The following GALR1 variants were observed in gnomAD, a reference collection of about 807,000 sequenced individuals.
The protein encoded by GALR1 is galanin receptor type 1.
GALR1 carries 11 observed loss-of-function variants against 17.9 expected under a neutral mutation model. The ratio of observed to expected loss-of-function variants is 0.62; its 90% CI spans 0.39 to 1.02. GALR1 has a LOEUF of 1.02. Among genes scored for constraint, GALR1 ranks in the 50% least tolerant of loss-of-function variants. GALR1 has a pLI of 0.01. For synonymous variants in GALR1, 206 were observed against 205.7 expected (o/e 1.00, Z -0.01); for missense variants, 441 against 456.9 (o/e 0.97, Z 0.32).
chr18:77,264,328 A>T (rs1222308377), intron 2 of GALR1, among the ~76,000 whole-genome samples: 1 of 152,020 alleles, frequency 6.6e-6, no homozygotes, highest in Non-Finnish European at 1.5e-5. Context: ...TCAGTCATGG[A>T]GTCACTTTCC....
intron 1 of GALR1, 48 bp downstream of exon 1, chr18:77,251,262 C>T (rs1202157942): frequency 7.7e-6 from 12 of 1,549,802 alleles, no homozygotes; most frequent in Non-Finnish European, 1.0e-5. Context: ...GGCGGAGGGC[C>T]GGTGGGGGCC....
rs2144944775 is a variant in GALR1, at chr18:77,250,439, A to C, written c.-110A>C. 16 of 1,192,028 alleles carry C rather than the reference A, an allele frequency of 1.3e-5. No homozygotes were observed. Among genetic ancestry groups the C allele is most frequent in the South Asian group, 1.8e-5 (1 of 55,828 alleles). 73.8% of individuals were successfully genotyped at this position (1,192,028 alleles called of 1,614,324 possible). On this transcript the variant is annotated 5_prime_UTR_variant, in exon 1 of 3. Coordinates refer to ENST00000299727, the MANE Select transcript of GALR1 (RefSeq NM_001480.4). ...GCCTCGGGGGAAGCTCAGACTCCTA[A>C]ACTCGCACTCTCCGTGCTTTGCGCC...
In GALR1 at chr18:77,251,274, T is replaced by C. The variant is rs575967225; in HGVS notation, c.666+60T>C. 82 of 1,540,990 alleles carry C rather than the reference T, an allele frequency of 5.3e-5. No individual in the cohort carries two copies. In the South Asian group the frequency reaches 9.7e-4, roughly 18 times the overall value. On this transcript the variant is annotated intron_variant, in intron 1 of 2. Coordinates refer to ENST00000299727, the MANE Select transcript of GALR1 (RefSeq NM_001480.4). ...GAGGGCGGAGGGCCGGTGGGGGCCC[T>C]GGGGTCTCAGTGTCCCGCGGCCCTG...
rs200473944 is a variant in GALR1, at chr18:77,250,607, C to A, written c.59C>A (p.Ala20Asp). The A allele has an allele frequency of 5.8e-4, 906 of 1,564,036 alleles. 2 individuals carry two copies. The African/African-American group carries it at 0.011, about 19-fold the overall frequency. The change falls in exon 1 of 3, where the codon GCC becomes GAC. Residue 20 changes from alanine to aspartate, a missense_variant. Transcript: ENST00000299727. ...EGNASWPEPP[A>D]PEPGPLFGIG... The stretch of plus-strand genomic sequence containing the variant: ...AACGCGAGCTGGCCGGAGCCCCCCG[C>A]CCCGGAGCCCGGGCCGCTGTTCGGC...
chr18:77,250,939 G>A lies in GALR1; in HGVS notation c.391G>A (p.Val131Met), dbSNP rs1328433052. 1 of 1,604,434 alleles carries A rather than the reference G, an allele frequency of 6.2e-7. No homozygotes were observed. The highest frequency in any genetic ancestry group is 8.5e-7 in the Non-Finnish European group (1 of 1,179,962). Residue 131 changes from valine to methionine, a missense_variant, in exon 1 of 3, where the codon GTG becomes ATG. Coordinates refer to ENST00000299727, the MANE Select transcript of GALR1 (RefSeq NM_001480.4). ...CATCTTCACCCTGGCCGCGATGTCC[G>A]TGGACCGCTACGTGGCCATCGTGCA... ...VSIFTLAAMS[V>M]DRYVAIVHSR... is the part of the protein sequence containing the mutation.
rs1568146222 is a variant in GALR1, at chr18:77,274,853, G to A, written c.*5951G>A. ...CTTTTTATTACTTATACACATGTCT[G>A]TTTTTATTCTTCCCTACTCTTTTCT... On this transcript the variant is annotated 3_prime_UTR_variant, in exon 3 of 3. Coordinates refer to ENST00000299727, the MANE Select transcript of GALR1 (RefSeq NM_001480.4). 2 of 152,186 alleles carry A rather than the reference G, an allele frequency of 1.3e-5. No homozygotes were observed. Among genetic ancestry groups the A allele is most frequent in the African/African-American group, 4.8e-5 (2 of 41,446 alleles). 9.4% of individuals were successfully genotyped at this position (152,186 alleles called of 1,614,324 possible). A position where few individuals can be genotyped will look rare whatever the true frequency, so the allele number is the denominator to read the frequency against.
rs1365898065 is a variant in GALR1, at chr18:77,251,170, G to T, written c.622G>T (p.Gly208Cys). ...CTACGTGGTGTGCACCTTCGTCTTC[G>T]GCTACCTGCTGCCGCTCCTGCTCAT... ...KAYVVCTFVF[G>C]YLLPLLLICF... Residue 208 changes from glycine to cysteine, a missense_variant, in exon 1 of 3, where the codon GGC (glycine) becomes TGC (cysteine). Gly to Cys is a radical substitution (Grantham distance 159, BLOSUM62 -3). Transcript: ENST00000299727. 1 of 1,610,442 alleles carries T rather than the reference G, an allele frequency of 6.2e-7. No individual in the cohort carries two copies. The highest frequency in any genetic ancestry group is 8.5e-7 in the Non-Finnish European group (1 of 1,177,908).
intron 2 of GALR1, among the ~76,000 whole-genome samples, chr18:77,256,444 A>C (rs1912592096): frequency 6.6e-6 from 1 of 152,046 alleles, no homozygotes; most frequent in African/African-American, 2.4e-5. Flanking sequence ...ACTTAGCTGA[A>C]GATCTGGGGA....
intron 2 of GALR1, among the ~76,000 whole-genome samples, chr18:77,258,854 ATGGTGGTGGTGATGG>A (rs1433399120): frequency 4.0e-5 from 2 of 50,314 alleles, no homozygotes; most frequent in African/African-American, 9.0e-5. Flanking sequence ...GGTGGTGGTG[ATGGTGGTGGTGATGG>A]TGGTGATGAT....
chr18:77,273,025 C>T lies in GALR1; in HGVS notation c.*4123C>T, dbSNP rs935855632. On this transcript the variant is annotated 3_prime_UTR_variant, in exon 3 of 3. Coordinates refer to ENST00000299727, the MANE Select transcript of GALR1 (RefSeq NM_001480.4). ...TGCATTAGCAGGATGTTTTGTTCAT[C>T]GACTTGTGAAAGTGCTGTGGATAAT... The T allele has an allele frequency of 2.0e-5, 3 of 152,156 alleles. No homozygotes were observed. Among genetic ancestry groups the T allele is most frequent in the East Asian group, 1.9e-4 (1 of 5,190 alleles). 9.4% of individuals were successfully genotyped at this position (152,156 alleles called of 1,614,324 possible).
Position 77,256,197 on chromosome 18 carries a change from A to C in GALR1, c.706A>C (p.Lys236Gln). ...HLHKKLKNMSKKSEASKKKTA... is the reference protein window; with the variant it reads ...HLHKKLKNMSQKSEASKKKTA... ...GCATAAAAAGTTGAAGAACATGTCA[A>C]AGAAGTCTGAAGCATCCAAGAAAAA... Residue 236 changes from lysine (K) to glutamine (Q), a missense_variant, in exon 2 of 3, where the codon AAG (lysine) becomes CAG (glutamine). By Grantham distance (53) the Lys-to-Gln change is moderately conservative. Transcript: ENST00000299727. 1 of 1,592,802 alleles carries C rather than the reference A, an allele frequency of 6.3e-7. No homozygotes were observed. Among genetic ancestry groups the C allele is most frequent in the Non-Finnish European group, 8.6e-7 (1 of 1,160,812 alleles).
chr18:77,258,554 G>C (rs991599974), intron 2 of GALR1, among the ~76,000 whole-genome samples: 2 of 146,676 alleles, frequency 1.4e-5, no homozygotes, highest in African/African-American at 2.7e-5. Context: ...TGGTGATGGT[G>C]GTGGTCATAG....
Position 77,256,183 on chromosome 18 carries a change from T to A in GALR1, c.692T>A (p.Leu231Ter). ...AKVLNHLHKK[L>*]KNMSKKSEAS... ...GTCCTTAATCACTTGCATAAAAAGT[T>A]GAAGAACATGTCAAAGAAGTCTGAA... Residue 231 changes from leucine to a stop codon, truncating the protein, a stop_gained, in exon 2 of 3, where the codon TTG (leucine) becomes TAG (stop). Coordinates refer to ENST00000299727, the MANE Select transcript of GALR1 (RefSeq NM_001480.4). LOFTEE classifies it high-confidence loss of function. 1 of 1,604,264 alleles carries A rather than the reference T, an allele frequency of 6.2e-7. No homozygotes were observed. The highest frequency in any genetic ancestry group is 8.5e-7 in the Non-Finnish European group (1 of 1,171,142).
chr18:77,253,030 A>G (rs1212711507), intron 1 of GALR1, among the ~76,000 whole-genome samples: 1 of 142,362 alleles, frequency 7.0e-6, no homozygotes, highest in Admixed American at 7.1e-5. Flanking sequence ...CACCATCACC[A>G]CCATCACCAC....
intron 1 of GALR1, 45 bp downstream of exon 1, chr18:77,251,259 G>A (rs374162333): frequency 1.9e-6 from 3 of 1,549,894 alleles, no homozygotes; most frequent in African/African-American, 2.7e-5. Context: ...GAGGGCGGAG[G>A]GCCGGTGGGG....
rs1913097230 is a variant in GALR1 at position 77,273,320 on chromosome 18, G to A, written c.*4418G>A. 6.6e-6 allele frequency: 1 copy of A among 152,238 alleles called. No individual in the cohort carries two copies. The allele number at this position is 152,238 out of a possible 1,614,324, so 9.4% of individuals were successfully genotyped here. On this transcript the variant is annotated 3_prime_UTR_variant, in exon 3 of 3. Transcript: ENST00000299727. ...TGTTCTAGGTGCAGAAATAGTGGGA[G>A]AGGCCATAATCGTGAATGATGAATA...
chr18:77,258,832 GA>G (rs1912696095), intron 2 of GALR1, among the ~76,000 whole-genome samples: 1 of 77,600 alleles, frequency 1.3e-5, no homozygotes, highest in African/African-American at 5.4e-5. Context: ...TGGTGCTGGT[GA>G]TGGTGGTGAT....
rs369466208 is a variant in GALR1, at chr18:77,251,018, G to C, written c.470G>C (p.Gly157Ala). 6.2e-7 allele frequency: 1 copy of C among 1,605,236 alleles called. No individual in the cohort carries two copies. ...TCCCGCAACGCGCTGCTGGGCGTGG[G>C]CTGCATCTGGGCGCTGTCCATTGCC... ...RVSRNALLGVGCIWALSIAMA... is the reference protein window; with the variant it reads ...RVSRNALLGVACIWALSIAMA... Residue 157 changes from glycine (G) to alanine (A), a missense_variant, in exon 1 of 3, where the codon GGC (glycine) becomes GCC (alanine). Coordinates refer to ENST00000299727, the MANE Select transcript of GALR1 (RefSeq NM_001480.4).
intron 2 of GALR1, among the ~76,000 whole-genome samples, chr18:77,258,645 G>GTCA: frequency 6.8e-6 from 1 of 147,282 alleles, no homozygotes; most frequent in Non-Finnish European, 1.5e-5. Flanking sequence ...GATGGTGGTG[G>GTCA]TGGTCATAGT....
Sources: gnomAD v4.1 joint callset for allele counts (sites outside exome capture counted in the v4.1 genomes callset) on GRCh38, gnomAD v4.1.1 for gene constraint, MANE v1.5 for transcripts, NCBI Gene and HGNC (gene_info 2026-07-23, HGNC 2026-07-21) for gene names.